Variants in MPPED1 observed in about 807,000 individuals in gnomAD.
The protein encoded by MPPED1 is metallophosphoesterase domain-containing protein 1.
A neutral mutation model predicts 36.2 loss-of-function variants in MPPED1; 16 were observed. The observed-to-expected ratio is 0.44, with a 90% CI of 0.30 to 0.67. The LOEUF is 0.67. Ranked by LOEUF, MPPED1 falls within the 30% of genes least tolerant of loss-of-function variation. The pLI is 0.10. For synonymous variants in MPPED1, 199 were observed against 191.3 expected (o/e 1.04, Z -0.33); for missense variants, 307 against 453.4 (o/e 0.68, Z 2.93).
chr22:43,418,312 C>G (rs1929146906), intron 1 of MPPED1: 6 of 359,332 alleles, frequency 1.7e-5, no homozygotes, highest in African/African-American at 2.1e-5. Context: ...AGTGATGCTT[C>G]AAGTCACACG....
intron 4 of MPPED1, among the ~76,000 whole-genome samples, chr22:43,488,819 A>C (rs1931995527): frequency 6.6e-6 from 1 of 152,228 alleles, no homozygotes; most frequent in Non-Finnish European, 1.5e-5. Flanking sequence ...GCTTAGCGGG[A>C]ATTCGCATCC....
intron 1 of MPPED1, among the ~76,000 whole-genome samples, chr22:43,413,352 C>A (rs950031695): frequency 6.9e-6 from 1 of 145,440 alleles, no homozygotes. Flanking sequence ...GGCAGACAGG[C>A]ACTGTCAATA....
At chr22:43,479,660 C>G (rs73167995) in intron 4 of MPPED1, among the ~76,000 whole-genome samples, 10,702 of 152,284 alleles carry the variant, frequency 0.07, 423 homozygotes, top group Middle Eastern at 0.11. Flanking sequence ...CTGCCTGTGG[C>G]TGGAAATTCC....
At chr22:43,499,240 GGGT>G (rs892278985) in intron 5 of MPPED1, among the ~76,000 whole-genome samples, 3 of 147,280 alleles carry the variant, frequency 2.0e-5, no homozygotes, top group African/African-American at 7.6e-5. Context: ...AGTGGGGATG[GGGT>G]GGTGGTGGTG....
chr22:43,476,003 A>G (rs574386550), intron 4 of MPPED1, among the ~76,000 whole-genome samples: 8 of 87,266 alleles, frequency 9.2e-5, no homozygotes, highest in African/African-American at 2.5e-4. Context: ...GGTGATGATG[A>G]TGGTGGTGGT....
chr22:43,444,079 G>T (rs1028352193), intron 3 of MPPED1, among the ~76,000 whole-genome samples: 1 of 152,182 alleles, frequency 6.6e-6, no homozygotes, highest in African/African-American at 2.4e-5. Flanking sequence ...AAGCCATGCT[G>T]TGTTGTAGGG....
intron 1 of MPPED1, among the ~76,000 whole-genome samples, chr22:43,415,219 CA>C (rs1170767099): frequency 1.1e-3 from 7 of 6,290 alleles, no homozygotes; most frequent in African/African-American, 3.4e-3. Context: ...ACTAAAATGT[CA>C]AAAGCAAAAA....
At chr22:43,470,932 G>A (rs1931353811) in intron 3 of MPPED1, among the ~76,000 whole-genome samples, 1 of 152,240 alleles carries the variant, frequency 6.6e-6, no homozygotes, top group African/African-American at 2.4e-5. Context: ...AAGCCATGGA[G>A]CAGACAGTGT....
chr22:43,498,232 C>T lies in MPPED1; in HGVS notation c.633-3C>T, dbSNP rs959919324. The T allele has an allele frequency of 5.5e-5, 84 of 1,533,974 alleles. No individual in the cohort carries two copies. The highest frequency in any genetic ancestry group is 7.0e-5 in the Non-Finnish European group (80 of 1,145,602). On this transcript the variant is annotated splice_region_variant and splice_polypyrimidine_tract_variant and intron_variant, in intron 4 of 6. Transcript: ENST00000443721. ...CCCTCAAACACCTGCACTTCTTCTA[C>T]AGGCAGCCCTGGTTCTACGGCTGGG...
At chr22:43,412,844 T>G (rs2146805617) in intron 1 of MPPED1, among the ~76,000 whole-genome samples, 1 of 152,350 alleles carries the variant, frequency 6.6e-6, no homozygotes, top group South Asian at 2.1e-4. Context: ...CCTGTGTGTT[T>G]GTTCTGGGAC....
intron 3 of MPPED1, among the ~76,000 whole-genome samples, chr22:43,472,175 A>T (rs978362714): frequency 2.0e-5 from 3 of 152,216 alleles, no homozygotes; most frequent in Non-Finnish European, 2.9e-5. Flanking sequence ...TTATTTTTAG[A>T]AAACAGAAGT....
intron 4 of MPPED1, among the ~76,000 whole-genome samples, chr22:43,493,747 C>T (rs577189041): frequency 1.3e-5 from 2 of 152,266 alleles, no homozygotes; most frequent in African/African-American, 4.8e-5. Flanking sequence ...TTTTATTTTC[C>T]CACCCCTGGT....
intron 3 of MPPED1, among the ~76,000 whole-genome samples, chr22:43,466,287 TG>T (rs34960265): frequency 6.6e-6 from 1 of 152,048 alleles, no homozygotes; most frequent in South Asian, 2.1e-4. Context: ...TGCAGCTCAT[TG>T]GGGGGTCTGC....
chr22:43,500,272 AGGTGGCGGTGGTGATGGG>A (rs1479278162), intron 5 of MPPED1, among the ~76,000 whole-genome samples: 41 of 8,234 alleles, frequency 5.0e-3, no homozygotes, highest in Admixed American at 0.027. Context: ...ATGGTGATGG[AGGTGGCGGTGGTGATGGG>A]GGTGGTGGTG....
intron 4 of MPPED1, among the ~76,000 whole-genome samples, chr22:43,486,115 C>G (rs1385391149): frequency 6.6e-6 from 1 of 152,228 alleles, no homozygotes; most frequent in African/African-American, 2.4e-5. Flanking sequence ...AGGAGACAGA[C>G]ACCAGCTGTG....
chr22:43,430,819 T>A (rs1929651671), intron 2 of MPPED1, among the ~76,000 whole-genome samples: 1 of 152,064 alleles, frequency 6.6e-6, no homozygotes, highest in African/African-American at 2.4e-5. Context: ...TTCCACTCTT[T>A]AACTTAGTAG....
chr22:43,455,115 C>CTTTTTTTTTTTTTT lies in MPPED1; in HGVS notation c.407-19609_407-19608insTTTTTTTTTTTTTT, dbSNP rs71284734. ...TTCTCTGCCTCTCTGCCTTCATGTC[C>CTTTTTTTTTTTTTT]TTTTTTTTTTTTGAGACGAAGTCTT... is the stretch of plus-strand genomic sequence containing the variant. On this transcript the variant is annotated intron_variant, in intron 3 of 6. Transcript: ENST00000443721. 4.1e-3 allele frequency among the ~76,000 whole-genome samples: 501 copies of CTTTTTTTTTTTTTT among 122,654 alleles called. 17 individuals are homozygous for CTTTTTTTTTTTTTT. Among genetic ancestry groups the CTTTTTTTTTTTTTT allele is most frequent in the East Asian group, 8.9e-3 (31 of 3,472 alleles). 80.5% of individuals were successfully genotyped at this position (122,654 alleles called of 152,430 possible).
At chr22:43,417,593 C>A (rs907592980) in intron 1 of MPPED1, 1 of 152,928 alleles carries the variant, frequency 6.5e-6, no homozygotes, top group Admixed American at 6.5e-5. Flanking sequence ...TAAAACAATT[C>A]TCCCCAGACC....
chr22:43,444,029 A>G (rs1930242875), intron 3 of MPPED1, among the ~76,000 whole-genome samples: 1 of 152,166 alleles, frequency 6.6e-6, no homozygotes, highest in Non-Finnish European at 1.5e-5. Flanking sequence ...TTCATTTAAA[A>G]AATTAATTTT....
Sources: allele counts gnomAD v4.1 joint callset (sites outside exome capture counted in the v4.1 genomes callset), GRCh38; gene constraint gnomAD v4.1.1; transcripts MANE v1.5; gene names NCBI Gene and HGNC (gene_info 2026-07-23, HGNC 2026-07-21).